Variants in SUSD4 observed in about 807,000 individuals in gnomAD.
SUSD4 encodes sushi domain containing 4.
Under a neutral mutation model 50.5 loss-of-function variants are expected in SUSD4, and 41 were observed. The observed-to-expected ratio is 0.81, with a 90% CI of 0.63 to 1.05. The LOEUF is 1.05. Among genes scored for constraint, SUSD4 ranks in the 50% least tolerant of loss-of-function variants. The probability of loss-of-function intolerance (pLI) is 0.00; values close to 1 mark genes in which losing one functional copy is unlikely to be tolerated. For synonymous variants in SUSD4, 257 were observed against 257.3 expected (o/e 1.00, Z 0.01); for missense variants, 580 against 634.7 (o/e 0.91, Z 0.93).
At chr1:223,342,749 T>TAA (rs1404774527) in intron 2 of SUSD4, among the ~76,000 whole-genome samples, 1 of 152,218 alleles carries the variant, frequency 6.6e-6, no homozygotes, top group Non-Finnish European at 1.5e-5. Context: ...GCAAATTGAC[T>TAA]AAATGTTTAA....
intron 6 of SUSD4, among the ~76,000 whole-genome samples, chr1:223,228,366 G>A (rs1240755513): frequency 6.6e-6 from 1 of 152,156 alleles, no homozygotes; most frequent in Non-Finnish European, 1.5e-5. Context: ...CTTCTCCCCC[G>A]GCTGGCTCAC....
upstream of SUSD4, among the ~76,000 whole-genome samples, chr1:223,364,365 T>TGAGCGGGGGGGCGGGGACGGGGC (rs1227156588): frequency 7.8e-5 from 3 of 38,676 alleles, no homozygotes; most frequent in African/African-American, 2.9e-4. This position sits in a 1 kb window ranked among gnomAD's most constrained non-coding sequence, Gnocchi z 4.5. Flanking sequence ...GGGGACGGGG[T>TGAGCGGGGGGGCGGGGACGGGGC]GAGTGGGGGG....
intron 5 of SUSD4, among the ~76,000 whole-genome samples, chr1:223,257,189 A>G (rs780838234): frequency 1.3e-5 from 2 of 152,108 alleles, no homozygotes; most frequent in African/African-American, 2.4e-5. Context: ...AATTTGAAAT[A>G]TTATTTGTCC....
intron 3 of SUSD4, among the ~76,000 whole-genome samples, chr1:223,279,623 G>C (rs1245975030): frequency 6.6e-6 from 1 of 152,224 alleles, no homozygotes; most frequent in African/African-American, 2.4e-5. Context: ...TGATGTACCT[G>C]AAAGTGATGG....
At chr1:223,283,610 G>A (rs1353574230) in intron 3 of SUSD4, among the ~76,000 whole-genome samples, 2 of 152,214 alleles carry the variant, frequency 1.3e-5, no homozygotes, top group African/African-American at 2.4e-5. Context: ...TGGAGAAATA[G>A]GAACACTTTT....
chr1:223,357,576 T>G (rs1668734505), intron 2 of SUSD4, among the ~76,000 whole-genome samples: 1 of 152,146 alleles, frequency 6.6e-6, no homozygotes, highest in African/African-American at 2.4e-5. Context: ...CTTCATACAG[T>G]TGTGAGGAAT....
chr1:223,273,749 T>C (rs1663075078), intron 3 of SUSD4, among the ~76,000 whole-genome samples: 2 of 152,214 alleles, frequency 1.3e-5, no homozygotes, highest in Admixed American at 1.3e-4. Context: ...TCCCTGGTTG[T>C]CAACACTTCG....
chr1:223,260,406 A>G (rs1216653121), intron 5 of SUSD4, among the ~76,000 whole-genome samples: 7 of 152,342 alleles, frequency 4.6e-5, no homozygotes, highest in South Asian at 2.1e-4. Flanking sequence ...ATTTATTGTC[A>G]GAGCTTTTTT....
intron 5 of SUSD4, among the ~76,000 whole-genome samples, chr1:223,233,718 A>G (rs1429882942): frequency 1.3e-5 from 2 of 152,212 alleles, no homozygotes; most frequent in South Asian, 2.1e-4. Flanking sequence ...TTCTTATCTT[A>G]GAACTCCTTT....
At chr1:223,357,049 C>T (rs969931199) in intron 2 of SUSD4, among the ~76,000 whole-genome samples, 7 of 152,090 alleles carry the variant, frequency 4.6e-5, no homozygotes, top group African/African-American at 1.7e-4. Flanking sequence ...AGCAGAAGGC[C>T]CCAGAAACCA....
intron 2 of SUSD4, among the ~76,000 whole-genome samples, chr1:223,299,570 A>T (rs1256343747): frequency 1.3e-5 from 2 of 152,168 alleles, no homozygotes; most frequent in African/African-American, 4.8e-5. Flanking sequence ...GGTTCATTTT[A>T]TATGCCAGTT....
At chr1:223,301,277 C>T (rs1044331088) in intron 2 of SUSD4, among the ~76,000 whole-genome samples, 13 of 152,240 alleles carry the variant, frequency 8.5e-5, no homozygotes, top group African/African-American at 3.1e-4. Flanking sequence ...CACCTCCCAG[C>T]ACACAGTCTC....
At chr1:223,342,138 C>T (rs145537471) in intron 2 of SUSD4, among the ~76,000 whole-genome samples, 4 of 152,070 alleles carry the variant, frequency 2.6e-5, no homozygotes, top group African/African-American at 4.8e-5. Flanking sequence ...GGAGGACAGG[C>T]GGGGGCCTGG....
intron 2 of SUSD4, among the ~76,000 whole-genome samples, chr1:223,313,177 TCAACCA>T (rs1401123860): frequency 1.6e-4 from 24 of 152,180 alleles, no homozygotes; most frequent in Non-Finnish European, 3.5e-4. Context: ...GCCAGAAAGA[TCAACCA>T]TGTGATTAGA....
At position 223,325,261 on chromosome 1, in the gene SUSD4, T is replaced by A. The variant is rs538412197; in HGVS notation, c.149-32610A>T. 9.9e-5 allele frequency among the ~76,000 whole-genome samples: 15 copies of A among 152,108 alleles called. No homozygotes were observed. In the East Asian group the frequency reaches 2.7e-3, roughly 27 times the overall value. On this transcript the variant is annotated intron_variant, in intron 2 of 8. Transcript: ENST00000366878. The stretch of plus-strand genomic sequence containing the variant: ...CCAAGCAAATTAAAAAATAAAAATT[T>A]CCAAATAATACCATCATTTTTTCCC...
chr1:223,264,923 G>C, intron 4 of SUSD4, 105 bp from the exon 5 acceptor site: 1 of 1,178,032 alleles, frequency 8.5e-7, no homozygotes, highest in South Asian at 1.6e-5. Flanking sequence ...CACCTCTGAA[G>C]GTGAAAATGG....
chr1:223,252,236 A>AAATAT (rs1343732568), intron 5 of SUSD4, among the ~76,000 whole-genome samples: 85 of 89,708 alleles, frequency 9.5e-4, no homozygotes, highest in East Asian at 2.5e-3. Context: ...AAAAAAAAAA[A>AAATAT]ATATATATAT....
intron 2 of SUSD4, among the ~76,000 whole-genome samples, chr1:223,340,983 A>C (rs1019737038): frequency 2.0e-5 from 3 of 152,224 alleles, no homozygotes; most frequent in Non-Finnish European, 4.4e-5. Flanking sequence ...TCTAAGAGAG[A>C]ATAAAAGCAC....
chr1:223,331,158 C>A (rs1298474109), intron 2 of SUSD4, among the ~76,000 whole-genome samples: 1 of 152,208 alleles, frequency 6.6e-6, no homozygotes, highest in Non-Finnish European at 1.5e-5. Flanking sequence ...ACTTTAACAG[C>A]AGATTCCTAC....
Sources: allele counts gnomAD v4.1 joint callset (sites outside exome capture counted in the v4.1 genomes callset), GRCh38; gene constraint gnomAD v4.1.1; non-coding constraint Gnocchi (gnomAD v3.1); transcripts MANE v1.5; gene names NCBI Gene and HGNC (gene_info 2026-07-23, HGNC 2026-07-21).